The following ACYP2 variants were observed in gnomAD, a reference collection of about 807,000 sequenced individuals.
ACYP2 encodes acylphosphatase 2.
ACYP2 carries 12 observed loss-of-function variants against 11.2 expected under a neutral mutation model. The ratio of observed to expected loss-of-function variants is 1.08; its 90% confidence interval spans 0.69 to 1.74. The LOEUF (loss-of-function observed/expected upper bound fraction) is 1.74. Ranked by LOEUF, ACYP2 falls within the 40% of genes most tolerant of loss-of-function variation. The pLI is 0.00. For synonymous variants in ACYP2, 43 were observed against 32.2 expected, an observed-to-expected ratio of 1.33 and a Z score of -1.13; for missense variants, 134 against 101.9, an observed-to-expected ratio of 1.31 and a Z score of -1.35.
chr2:54,141,791 A>G (rs1180098414), intron 6 of ACYP2: 3 of 465,274 alleles, frequency 6.4e-6, no homozygotes, highest in East Asian at 6.1e-5. Context: ...ATTAAAAAGA[A>G]AACTTACATG....
intron 6 of ACYP2, among the ~76,000 whole-genome samples, chr2:54,196,757 C>T (rs1278324400): frequency 2.6e-5 from 4 of 152,200 alleles, no homozygotes; most frequent in African/African-American, 9.7e-5. Context: ...ATATTGGTCA[C>T]ATCCCCAGTG....
At chr2:54,270,641 A>G (rs1466817881) in intron 6 of ACYP2, among the ~76,000 whole-genome samples, 1 of 152,224 alleles carries the variant, frequency 6.6e-6, no homozygotes, top group Non-Finnish European at 1.5e-5. Flanking sequence ...ATAAAAATGA[A>G]TACAATGAAT....
chr2:54,156,914 C>T (rs1445218326), intron 6 of ACYP2, among the ~76,000 whole-genome samples: 2 of 152,116 alleles, frequency 1.3e-5, no homozygotes, highest in Non-Finnish European at 2.9e-5. Context: ...GTGATCCACC[C>T]GCCTCGGCCT....
chr2:54,284,236 A>G (rs1688979894), intron 6 of ACYP2, among the ~76,000 whole-genome samples: 1 of 152,220 alleles, frequency 6.6e-6, no homozygotes, highest in African/African-American at 2.4e-5. Flanking sequence ...AGGCTCCATA[A>G]ACGATTCAGG....
intron 2 of ACYP2, among the ~76,000 whole-genome samples, chr2:54,039,432 C>T (rs191393844): frequency 6.8e-4 from 103 of 152,078 alleles, no homozygotes; most frequent in African/African-American, 2.0e-3. Context: ...GCTGGGACTA[C>T]AGGTGTGCAC....
At chr2:54,189,792 A>G (rs1359292947) in intron 6 of ACYP2, among the ~76,000 whole-genome samples, 1 of 152,140 alleles carries the variant, frequency 6.6e-6, no homozygotes, top group Non-Finnish European at 1.5e-5. Flanking sequence ...CTACTGTTTT[A>G]CATAATGGCT....
chr2:54,093,612 C>G (rs1678349719), intron 4 of ACYP2, among the ~76,000 whole-genome samples: 1 of 152,170 alleles, frequency 6.6e-6, no homozygotes, highest in South Asian at 2.1e-4. Flanking sequence ...ACTTAGTTTT[C>G]TCATCTGTCA....
chr2:54,279,903 T>A (rs188769217), intron 6 of ACYP2, among the ~76,000 whole-genome samples: 76 of 152,330 alleles, frequency 5.0e-4, no homozygotes, highest in African/African-American at 1.7e-3. Flanking sequence ...GATTACAGAA[T>A]AGGTATCTAT....
At chr2:54,166,350 C>T (rs1168283612) in intron 6 of ACYP2, among the ~76,000 whole-genome samples, 1 of 152,162 alleles carries the variant, frequency 6.6e-6, no homozygotes, top group Non-Finnish European at 1.5e-5. Flanking sequence ...ATGAGTAATA[C>T]AGTCTCTGCC....
chr2:54,154,280 C>T (rs1682334702), intron 6 of ACYP2, among the ~76,000 whole-genome samples: 1 of 152,118 alleles, frequency 6.6e-6, no homozygotes, highest in Admixed American at 6.6e-5. Flanking sequence ...CCTTTTACTT[C>T]TTTCTCTTAC....
At chr2:54,102,963 T>C (rs1006779472) in intron 4 of ACYP2, among the ~76,000 whole-genome samples, 2 of 152,134 alleles carry the variant, frequency 1.3e-5, no homozygotes, top group Non-Finnish European at 2.9e-5. Context: ...GGTTTCCAAA[T>C]TGTGTCCATC....
At chr2:54,057,441 G>A (rs980539968) in intron 4 of ACYP2, 11 of 392,472 alleles carry the variant, frequency 2.8e-5, no homozygotes, top group African/African-American at 2.3e-4. Context: ...TATAAAATTA[G>A]CCTCAGGATG....
At chr2:54,295,824 G>A (rs1168201542) in intron 6 of ACYP2, among the ~76,000 whole-genome samples, 5 of 151,602 alleles carry the variant, frequency 3.3e-5, no homozygotes, top group Admixed American at 6.6e-5. Context: ...GCAGTGGCGC[G>A]ATCTCGGCTC....
intron 2 of ACYP2, among the ~76,000 whole-genome samples, chr2:53,997,398 C>T (rs1672621786): frequency 6.6e-6 from 1 of 152,078 alleles, no homozygotes; most frequent in Non-Finnish European, 1.5e-5. Flanking sequence ...CTCTGCCTTC[C>T]GGCTTCAAGT....
In ACYP2 at chr2:54,275,382, TACTG is replaced by T. The variant is rs1366440290; in HGVS notation, c.405-29302_405-29299del. Among the ~76,000 whole-genome samples the T allele has an allele frequency of 3.3e-5, 5 of 152,340 alleles. No individual in the cohort carries two copies. In the South Asian group the frequency reaches 6.2e-4, roughly 19 times the overall value. Reference sequence around the variant, plus strand: ...CAACCACAGGAAACTGAGGATTGGCTACTGACTATTTGAAATTGGCTATTTCATA... The same window carrying T: ...CAACCACAGGAAACTGAGGATTGGCTACTATTTGAAATTGGCTATTTCATA... On this transcript the variant is annotated intron_variant, in intron 6 of 6. Coordinates refer to ENST00000607452, the MANE Select transcript of ACYP2 (RefSeq NM_001320586.2).
intron 2 of ACYP2, among the ~76,000 whole-genome samples, chr2:53,996,381 G>A (rs1021942136): frequency 2.6e-5 from 4 of 152,262 alleles, no homozygotes; most frequent in Non-Finnish European, 5.9e-5. Flanking sequence ...GGTAAAGAAA[G>A]CCTTCAGATC....
At chr2:54,153,104 G>C (rs184894815) in intron 6 of ACYP2, among the ~76,000 whole-genome samples, 8 of 152,094 alleles carry the variant, frequency 5.3e-5, no homozygotes, top group Non-Finnish European at 1.2e-4. Flanking sequence ...ATCAGTTTCA[G>C]GTCTTGTGTT....
At chr2:54,156,859 G>A (rs1682457453) in intron 6 of ACYP2, among the ~76,000 whole-genome samples, 2 of 152,026 alleles carry the variant, frequency 1.3e-5, no homozygotes, top group East Asian at 1.9e-4. Context: ...GTAGAAATGC[G>A]GTTTCACCAT....
intron 4 of ACYP2, among the ~76,000 whole-genome samples, chr2:54,066,566 C>T (rs1676761879): frequency 6.6e-6 from 1 of 152,300 alleles, no homozygotes; most frequent in Non-Finnish European, 1.5e-5. Context: ...TAGTCCTATG[C>T]CAAACCAATG....
Sources: gnomAD v4.1 joint callset for allele counts (sites outside exome capture counted in the v4.1 genomes callset) on GRCh38, gnomAD v4.1.1 for gene constraint, MANE v1.5 for transcripts, NCBI Gene and HGNC (gene_info 2026-07-23, HGNC 2026-07-21) for gene names.